The following GAPVD1 variants were observed in gnomAD, a reference collection of about 807,000 sequenced individuals.
The protein encoded by GAPVD1 is GTPase activating protein and VPS9 domains 1.
GAPVD1 carries 35 observed loss-of-function variants against 155.5 expected under a neutral mutation model. The observed-to-expected ratio is 0.23, with a 90% CI of 0.17 to 0.30. The LOEUF is 0.30. Ranked by LOEUF, GAPVD1 falls within the 10% of genes least tolerant of loss-of-function variation. The pLI is 1.00. For synonymous variants in GAPVD1, 636 were observed against 619.7 expected (o/e 1.03, Z -0.39); for missense variants, 1,429 against 1,775.7 (o/e 0.80, Z 3.51).
At chr9:125,271,273 A>G (rs1318611066) in intron 2 of GAPVD1, among the ~76,000 whole-genome samples, 1 of 152,050 alleles carries the variant, frequency 6.6e-6, no homozygotes, top group African/African-American at 2.4e-5. Flanking sequence ...GCTCCCTTAT[A>G]ATGCCGGTAC....
At chr9:125,314,575 A>G (rs1055941484) in intron 9 of GAPVD1, among the ~76,000 whole-genome samples, 24 of 151,664 alleles carry the variant, frequency 1.6e-4, no homozygotes, top group African/African-American at 5.8e-4. Context: ...AATCGCTTGA[A>G]CCCGGGACGT....
chr9:125,302,910 A>T, intron 5 of GAPVD1, 84 bp downstream of exon 5: 1 of 1,478,548 alleles, frequency 6.8e-7, no homozygotes, highest in Non-Finnish European at 9.0e-7. Flanking sequence ...AAATAATACG[A>T]TGACAGTATT....
In GAPVD1 at chr9:125,364,446, T is replaced by C. The variant is rs1366253840; in HGVS notation, c.*1700T>C. The C allele has an allele frequency of 6.6e-6, 1 of 152,178 alleles. No homozygotes were observed. Among genetic ancestry groups the C allele is most frequent in the Admixed American group, 6.5e-5 (1 of 15,276 alleles). The allele number at this position is 152,178 out of a possible 1,614,324, so 9.4% of individuals were successfully genotyped here. A position where few individuals can be genotyped will look rare whatever the true frequency, so the allele number is the denominator to read the frequency against. On this transcript the variant is annotated 3_prime_UTR_variant, in exon 28 of 28. Coordinates refer to ENST00000297933, the MANE Select transcript of GAPVD1 (RefSeq NM_001282680.3). The stretch of plus-strand genomic sequence containing the variant: ...TTTTAGTAGAAACGGGGTTTCACCA[T>C]GTTGGCCAGGATGATCCTCAATCTC...
chr9:125,264,322 G>A (rs1833473578), intron 1 of GAPVD1, among the ~76,000 whole-genome samples: 1 of 152,090 alleles, frequency 6.6e-6, no homozygotes, highest in Admixed American at 6.6e-5. Flanking sequence ...AGCTTCCTGA[G>A]TAGCTGGGAC....
At position 125,341,238 on chromosome 9, in the gene GAPVD1, A is replaced by G; in HGVS notation, c.2939A>G (p.Lys980Arg). 2 of 1,591,728 alleles carry G rather than the reference A, an allele frequency of 1.3e-6. No homozygotes were observed. Among genetic ancestry groups the G allele is most frequent in the East Asian group, 2.2e-5 (1 of 44,774 alleles). The change falls in exon 18 of 28, where the codon AAA becomes AGA. Residue 980 changes from lysine (K) to arginine (R), a missense_variant. This residue lies in a region of GAPVD1 where 699 missense variants were observed against 826.0 expected (regional missense o/e 0.85). Coordinates refer to ENST00000297933, the MANE Select transcript of GAPVD1 (RefSeq NM_001282680.3). Reference protein sequence around the residue: ...KSDRNRPWWRKRFVSAMPKAP... With the variant: ...KSDRNRPWWRRRFVSAMPKAP... Reference sequence around the variant, plus strand: ...GACAGGAACAGACCTTGGTGGAGAAAACGTTTTGTTTCAGCCATGCCTAAA... The same window carrying G: ...GACAGGAACAGACCTTGGTGGAGAAGACGTTTTGTTTCAGCCATGCCTAAA...
At chr9:125,337,730 GC>G in intron 17 of GAPVD1, 139 bp downstream of exon 17, 1 of 895,686 alleles carries the variant, frequency 1.1e-6, no homozygotes, top group Non-Finnish European at 1.7e-6. Context: ...CAATCTATGG[GC>G]CCACAACCAT....
intron 2 of GAPVD1, among the ~76,000 whole-genome samples, chr9:125,293,860 A>ATATATATATAAATATAT (rs1554757090): frequency 9.4e-5 from 1 of 10,624 alleles, no homozygotes; most frequent in African/African-American, 9.6e-4. Flanking sequence ...TTTTATATAT[A>ATATATATATAAATATAT]TATATATATA....
In GAPVD1 at chr9:125,288,386, A is replaced by G. The variant is rs1367854837; in HGVS notation, c.-149-7072A>G. Reference sequence around the variant, plus strand: ...CAGCCTCCCAAAGTGCTGGGATTACAGGCTTGAGCCACTGCACCCGGCCTT... The same window carrying G: ...CAGCCTCCCAAAGTGCTGGGATTACGGGCTTGAGCCACTGCACCCGGCCTT... On this transcript the variant is annotated intron_variant, in intron 2 of 27. Transcript: ENST00000297933. Among the ~76,000 whole-genome samples the G allele has an allele frequency of 1.1e-4, 17 of 152,186 alleles. 1 individual carries two copies. Among genetic ancestry groups the G allele is most frequent in the Admixed American group, 1.1e-3 (17 of 15,266 alleles).
At chr9:125,288,136 G>T (rs1430322976) in intron 2 of GAPVD1, among the ~76,000 whole-genome samples, 3 of 149,378 alleles carry the variant, frequency 2.0e-5, no homozygotes, top group African/African-American at 2.5e-5. Flanking sequence ...TTTTGAGACG[G>T]AGTCTCACTC....
chr9:125,350,234 A>G, intron 21 of GAPVD1, 61 bp from the exon 22 acceptor site: 1 of 967,404 alleles, frequency 1.0e-6, no homozygotes, highest in South Asian at 1.4e-5. Flanking sequence ...TATAGTAAAT[A>G]TTTGTAAAAT....
At chr9:125,288,113 T>A (rs1157591235) in intron 2 of GAPVD1, among the ~76,000 whole-genome samples, 2 of 139,100 alleles carry the variant, frequency 1.4e-5, no homozygotes, top group Non-Finnish European at 3.1e-5. Flanking sequence ...TTTTAGTTAA[T>A]TTTTTTTTTT....
intron 2 of GAPVD1, 104 bp downstream of exon 2, chr9:125,269,088 CAT>C (rs965546409): frequency 4.6e-5 from 7 of 151,220 alleles, no homozygotes; most frequent in African/African-American, 1.7e-4. Flanking sequence ...TTTTTTGAGA[CAT>C]ATTCTCACTC....
chr9:125,306,219 A>G (rs1373797258), intron 6 of GAPVD1, among the ~76,000 whole-genome samples: 3 of 151,876 alleles, frequency 2.0e-5, no homozygotes, highest in Non-Finnish European at 4.4e-5. Flanking sequence ...GCTGGAGTGC[A>G]GTGGCGTGAT....
At position 125,350,869 on chromosome 9, in the gene GAPVD1, A is replaced by G. The variant is rs766352977; in HGVS notation, c.3566A>G (p.Tyr1189Cys). The change falls in exon 23 of 28, where the codon TAC (tyrosine) becomes TGC (cysteine). Residue 1189 changes from tyrosine (Y) to cysteine (C), a missense_variant. By Grantham distance (194) the Tyr-to-Cys change is radical (BLOSUM62 -2). Around this residue, in one of 4 missense-constraint regions of GAPVD1, gnomAD observed 699 missense variants for 826.0 expected, o/e 0.85. Transcript: ENST00000297933. The stretch of plus-strand genomic sequence containing the variant: ...CTGCTGGCTTCGATTGCTGAGGACT[A>G]CAGGTAATATACCCCACCTGTTCAG... ...RKLLASIAEDYRKRAPYIAYL... is the reference protein window; with the variant it reads ...RKLLASIAEDCRKRAPYIAYL... 4 of 1,611,680 alleles carry G rather than the reference A, an allele frequency of 2.5e-6. No individual in the cohort carries two copies. The highest frequency in any genetic ancestry group is 1.3e-5 in the African/African-American group (1 of 74,958).
At chr9:125,353,722 C>A (rs982316208) in intron 23 of GAPVD1, among the ~76,000 whole-genome samples, 2 of 152,108 alleles carry the variant, frequency 1.3e-5, no homozygotes, top group African/African-American at 4.8e-5. Flanking sequence ...AGGGAAATTC[C>A]GTTTTTTAAA....
intron 13 of GAPVD1, among the ~76,000 whole-genome samples, chr9:125,330,910 G>A (rs925754857): frequency 1.3e-5 from 2 of 152,032 alleles, no homozygotes; most frequent in Non-Finnish European, 2.9e-5. Context: ...TTTATCACAG[G>A]GGAGAACTTG....
At chr9:125,307,296 T>C in intron 6 of GAPVD1, 117 bp from the exon 7 acceptor site, 1 of 738,152 alleles carries the variant, frequency 1.4e-6, no homozygotes, top group South Asian at 2.5e-5. Context: ...TTCAACATCT[T>C]AAAAAAATAT....
At chr9:125,279,694 C>G (rs913255694) in intron 2 of GAPVD1, among the ~76,000 whole-genome samples, 13 of 150,644 alleles carry the variant, frequency 8.6e-5, no homozygotes, top group South Asian at 4.2e-4. Context: ...CTTTCCCATA[C>G]ATAATCTTCA....
At chr9:125,316,090 TAG>T (rs1843383957) in intron 9 of GAPVD1, among the ~76,000 whole-genome samples, 1 of 152,114 alleles carries the variant, frequency 6.6e-6, no homozygotes, top group African/African-American at 2.4e-5. Context: ...ACAGAAAATT[TAG>T]AGAGATCATT....
Sources: allele counts gnomAD v4.1 joint callset (sites outside exome capture counted in the v4.1 genomes callset), GRCh38; gene constraint gnomAD v4.1.1; regional missense constraint gnomAD v4.1.1; transcripts MANE v1.5; gene names NCBI Gene and HGNC (gene_info 2026-07-23, HGNC 2026-07-21).